The following AGMO variants were observed in gnomAD, a reference collection of about 807,000 sequenced individuals.
The protein encoded by AGMO is alkylglycerol monooxygenase, also known as glyceryl-ether monooxygenase.
A neutral mutation model predicts 60.2 loss-of-function variants in AGMO; 75 were observed. That is an observed-to-expected ratio of 1.25 (90% CI 1.03 to 1.51). The LOEUF (loss-of-function observed/expected upper bound fraction) is 1.51. AGMO is among the 40% of genes most tolerant of loss of function. The probability of loss-of-function intolerance (pLI) is 0.00; values close to 1 mark genes in which losing one functional copy is unlikely to be tolerated. For missense variants in AGMO, 763 were observed against 525.5 expected, an observed-to-expected ratio of 1.45 and a Z score of -4.42; for synonymous variants, 261 against 177.1, an observed-to-expected ratio of 1.47 and a Z score of -3.76.
intron 12 of AGMO, among the ~76,000 whole-genome samples, chr7:15,267,559 C>G (rs530278168): frequency 6.6e-6 from 1 of 151,972 alleles, no homozygotes; most frequent in African/African-American, 2.4e-5. Context: ...TTGGATTACA[C>G]TGGTCTGAAC....
the AGMO span, among the ~76,000 whole-genome samples, chr7:15,189,153 G>A: frequency 3.3e-5 from 5 of 152,044 alleles, no homozygotes; most frequent in African/African-American, 1.2e-4. Flanking sequence ...GGGGCATTGG[G>A]GAAAATGAGA....
intron 6 of AGMO, among the ~76,000 whole-genome samples, chr7:15,393,383 A>T (rs1784229471): frequency 6.6e-6 from 1 of 152,204 alleles, no homozygotes. Flanking sequence ...TGTGAGATTT[A>T]TTCATGCCCT....
At chr7:15,354,828 G>T (rs79678252) in intron 12 of AGMO, among the ~76,000 whole-genome samples, 13,141 of 150,818 alleles carry the variant, frequency 0.087, 686 homozygotes, top group Admixed American at 0.17. Flanking sequence ...TAATTCACGA[G>T]AATTTGTTTT....
rs137922957 is a variant in AGMO at position 15,232,507 on chromosome 7, G to A, written c.1264-31148C>T. 8.5e-5 allele frequency among the ~76,000 whole-genome samples: 13 copies of A among 152,258 alleles called. No individual in the cohort carries two copies. In the East Asian group the frequency reaches 2.1e-3, roughly 25 times the overall value. On this transcript the variant is annotated intron_variant, in intron 12 of 12. Transcript: ENST00000342526. ...ATAAAAATGTGAGCCTTGCACCACT[G>A]CTAATTTGATGGACAAGAGGATTGG...
At chr7:15,387,331 G>GT (rs1379226349) in intron 9 of AGMO, 75 bp downstream of exon 9, 1 of 1,498,158 alleles carries the variant, frequency 6.7e-7, no homozygotes, top group Non-Finnish European at 9.1e-7. Flanking sequence ...TGAAAACAGC[G>GT]TATGTACAGG....
intron 3 of AGMO, among the ~76,000 whole-genome samples, chr7:15,486,793 GT>G (rs1344195317): frequency 6.6e-6 from 1 of 152,154 alleles, no homozygotes; most frequent in Non-Finnish European, 1.5e-5. Context: ...ATGTCCATGA[GT>G]GGGGGAATAC....
At chr7:15,154,732 G>T in the AGMO span, among the ~76,000 whole-genome samples, 1 of 152,128 alleles carries the variant, frequency 6.6e-6, no homozygotes, top group African/African-American at 2.4e-5. Context: ...GAGCTGGCAG[G>T]TATTCATCTT....
At chr7:15,523,209 T>C (rs1396980496) in intron 3 of AGMO, among the ~76,000 whole-genome samples, 1 of 152,154 alleles carries the variant, frequency 6.6e-6, no homozygotes, top group African/African-American at 2.4e-5. Context: ...TGTGGAGAAA[T>C]AGGAATGCTT....
chr7:15,227,092 GT>G (rs375446858), intron 12 of AGMO, among the ~76,000 whole-genome samples: 3 of 151,850 alleles, frequency 2.0e-5, no homozygotes, highest in Admixed American at 6.6e-5. Context: ...CGATTTTATT[GT>G]TTTTTTCTTG....
intron 12 of AGMO, among the ~76,000 whole-genome samples, chr7:15,322,960 CGT>C (rs533342378): frequency 8.8e-6 from 1 of 114,000 alleles, no homozygotes; most frequent in Non-Finnish European, 1.7e-5. Context: ...ATATATAACA[CGT>C]GTGTGTATAT....
intron 12 of AGMO, among the ~76,000 whole-genome samples, chr7:15,326,114 T>A (rs1054235978): frequency 1.3e-5 from 2 of 152,110 alleles, no homozygotes; most frequent in East Asian, 3.9e-4. Flanking sequence ...TTAGAAAAAA[T>A]ATAAAACTTA....
chr7:15,529,630 T>TATACTATATTCTATATAC (rs1562554886), intron 3 of AGMO, among the ~76,000 whole-genome samples: 1 of 29,416 alleles, frequency 3.4e-5, no homozygotes, highest in African/African-American at 2.0e-4. Context: ...AATATATATA[T>TATACTATATTCTATATAC]AGAATATATA....
chr7:15,275,521 T>C (rs1374500902), intron 12 of AGMO, among the ~76,000 whole-genome samples: 1 of 152,152 alleles, frequency 6.6e-6, no homozygotes, highest in Admixed American at 6.5e-5. Context: ...GTATATTCTG[T>C]AGTTGTTGGA....
chr7:15,328,057 T>A (rs1385022446), intron 12 of AGMO, among the ~76,000 whole-genome samples: 1 of 152,054 alleles, frequency 6.6e-6, no homozygotes, highest in Non-Finnish European at 1.5e-5. Context: ...ATTGCAGGTA[T>A]GAGACACTGT....
At chr7:15,247,956 G>C (rs1782798289) in intron 12 of AGMO, among the ~76,000 whole-genome samples, 1 of 151,326 alleles carries the variant, frequency 6.6e-6, no homozygotes, top group African/African-American at 2.4e-5. Flanking sequence ...GAGGGAAGAG[G>C]AAGATCAAAC....
Position 15,436,933 on chromosome 7 carries a change from T to A in AGMO, c.410-5825A>T, listed in dbSNP as rs535668618. 1.2e-4 allele frequency among the ~76,000 whole-genome samples: 19 copies of A among 152,278 alleles called. No individual in the cohort carries two copies. In the South Asian group the frequency reaches 3.1e-3, roughly 25 times the overall value. On this transcript the variant is annotated intron_variant, in intron 3 of 12. Coordinates refer to ENST00000342526, the MANE Select transcript of AGMO (RefSeq NM_001004320.2). ...CGGTCTTTAACAAGATATCTAAATA[T>A]AAAATATTAAGTTTTTAAGTTTAGA... is the stretch of plus-strand genomic sequence containing the variant.
the AGMO span, among the ~76,000 whole-genome samples, chr7:15,143,376 A>C: frequency 6.6e-6 from 1 of 152,152 alleles, no homozygotes; most frequent in Admixed American, 6.6e-5. Flanking sequence ...GGTGGTGCTC[A>C]ATTTATCTAC....
the AGMO span, among the ~76,000 whole-genome samples, chr7:15,186,153 T>C: frequency 6.6e-6 from 1 of 152,204 alleles, no homozygotes; most frequent in Non-Finnish European, 1.5e-5. Flanking sequence ...AGGCTGGTTA[T>C]TGCTTCAGTA....
chr7:15,358,381 G>A (rs758827913), intron 12 of AGMO: 46 of 470,194 alleles, frequency 9.8e-5, no homozygotes, highest in Middle Eastern at 3.2e-4. Flanking sequence ...AGATGATAAC[G>A]TGGAAAGGAT....
Sources: gnomAD v4.1 joint callset for allele counts (sites outside exome capture counted in the v4.1 genomes callset) on GRCh38, gnomAD v4.1.1 for gene constraint, MANE v1.5 for transcripts, NCBI Gene and HGNC (gene_info 2026-07-23, HGNC 2026-07-21) for gene names.